The following TSHZ2 variants were observed in gnomAD, a reference collection of about 807,000 sequenced individuals.
The protein encoded by TSHZ2 is teashirt zinc finger homeobox 2.
TSHZ2 carries 21 observed loss-of-function variants against 74.4 expected under a neutral mutation model. The observed-to-expected ratio is 0.28, with a 90% CI of 0.20 to 0.41. The LOEUF (loss-of-function observed/expected upper bound fraction) is 0.41, where lower values mean the gene tolerates loss of function less well. TSHZ2 is among the 10% of genes least tolerant of loss of function. The probability of loss-of-function intolerance (pLI) is 1.00; values close to 1 mark genes in which losing one functional copy is unlikely to be tolerated. For missense variants in TSHZ2, 1,244 were observed against 1,293.5 expected, an observed-to-expected ratio of 0.96 and a Z score of 0.59; for synonymous variants, 540 against 515.3, an observed-to-expected ratio of 1.05 and a Z score of -0.65.
At chr20:53,364,778 G>T (rs1363487059) in intron 2 of TSHZ2, among the ~76,000 whole-genome samples, 2 of 152,224 alleles carry the variant, frequency 1.3e-5, no homozygotes, top group African/African-American at 4.8e-5. Flanking sequence ...TTTCTGGAAG[G>T]CATTGCCAAC....
rs192764914 is a variant in TSHZ2, at chr20:53,216,872, T to C, written c.41-36627T>C. On this transcript the variant is annotated intron_variant, in intron 1 of 2. Coordinates refer to ENST00000371497, the MANE Select transcript of TSHZ2 (RefSeq NM_173485.6). ...ACACACCCTTCAAATGCGGGAACTC[T>C]CCCTGCAGCCCCTGGCAGCTCCTGG... Among the ~76,000 whole-genome samples the C allele has an allele frequency of 2.9e-3, 434 of 152,270 alleles. 1 individual carries two copies. The highest frequency in any genetic ancestry group is 4.9e-3 in the Non-Finnish European group (332 of 68,012).
At chr20:53,469,805 GACCCAACA>G in intron 2 of TSHZ2, among the ~76,000 whole-genome samples, 1 of 131,714 alleles carries the variant, frequency 7.6e-6, no homozygotes, top group Admixed American at 7.7e-5. Flanking sequence ...AGGAAGGAAG[GACCCAACA>G]AAGATAGAGA....
At chr20:53,457,845 A>G (rs1985167131) in intron 2 of TSHZ2, among the ~76,000 whole-genome samples, 1 of 151,730 alleles carries the variant, frequency 6.6e-6, no homozygotes, top group Admixed American at 6.6e-5. Context: ...GGCTCTGTTT[A>G]TATGCTGGAT....
At chr20:53,104,596 G>A (rs1385019452) in intron 1 of TSHZ2, among the ~76,000 whole-genome samples, 1 of 152,174 alleles carries the variant, frequency 6.6e-6, no homozygotes, top group East Asian at 1.9e-4. Flanking sequence ...GGACACTGTG[G>A]TTGGGAATAT....
At chr20:53,092,860 A>G (rs1215300853) in intron 1 of TSHZ2, among the ~76,000 whole-genome samples, 2 of 152,226 alleles carry the variant, frequency 1.3e-5, no homozygotes, top group Admixed American at 1.3e-4. Flanking sequence ...CAGTGGATAT[A>G]TATGTTCAGC....
chr20:53,222,266 C>G (rs889187401), intron 1 of TSHZ2, among the ~76,000 whole-genome samples: 1 of 152,152 alleles, frequency 6.6e-6, no homozygotes, highest in African/African-American at 2.4e-5. Flanking sequence ...GGTGGCATTG[C>G]TTTATTTTCT....
intron 1 of TSHZ2, among the ~76,000 whole-genome samples, chr20:53,055,110 A>C (rs1984596105): frequency 6.6e-6 from 1 of 152,204 alleles, no homozygotes; most frequent in Non-Finnish European, 1.5e-5. Flanking sequence ...GGCTAAATTC[A>C]ACCCTTGCTA....
At chr20:53,216,432 G>A (rs911381448) in intron 1 of TSHZ2, among the ~76,000 whole-genome samples, 3 of 152,212 alleles carry the variant, frequency 2.0e-5, no homozygotes, top group African/African-American at 4.8e-5. Flanking sequence ...AGGAAAAATA[G>A]GCCACAGCCA....
intron 1 of TSHZ2, among the ~76,000 whole-genome samples, chr20:53,137,223 A>C (rs942693954): frequency 7.9e-5 from 12 of 152,186 alleles, no homozygotes; most frequent in African/African-American, 2.4e-4. Context: ...GAAAACTGCT[A>C]ACAGAAATTT....
chr20:53,248,633 C>G (rs1990259624), intron 1 of TSHZ2, among the ~76,000 whole-genome samples: 1 of 152,166 alleles, frequency 6.6e-6, no homozygotes, highest in South Asian at 2.1e-4. Context: ...TCCATACTTT[C>G]AAAGTTCCCA....
chr20:53,485,010 A>G (rs149325589), intron 2 of TSHZ2, among the ~76,000 whole-genome samples: 3 of 152,348 alleles, frequency 2.0e-5, no homozygotes, highest in East Asian at 1.9e-4. Flanking sequence ...GATGTAAACA[A>G]GAAACTTCAC....
chr20:52,977,028 C>A (rs1029279078), intron 1 of TSHZ2, among the ~76,000 whole-genome samples: 11 of 152,292 alleles, frequency 7.2e-5, no homozygotes, highest in African/African-American at 2.2e-4. Flanking sequence ...TTAAAAGTTG[C>A]AATTTGCACC....
intron 1 of TSHZ2, among the ~76,000 whole-genome samples, chr20:53,195,105 C>T (rs1988829810): frequency 6.6e-6 from 1 of 152,090 alleles, no homozygotes. Context: ...TTTGCAGGGC[C>T]AGATCTCCCC....
chr20:53,313,209 TA>T (rs1391345892), intron 2 of TSHZ2, among the ~76,000 whole-genome samples: 1 of 152,258 alleles, frequency 6.6e-6, no homozygotes, highest in East Asian at 1.9e-4. Flanking sequence ...ATGCCTCATT[TA>T]TTTGACGTGG....
intron 1 of TSHZ2, among the ~76,000 whole-genome samples, chr20:53,075,701 C>A (rs958159117): frequency 6.6e-6 from 1 of 152,162 alleles, no homozygotes; most frequent in Non-Finnish European, 1.5e-5. Context: ...GTAGGGTGAT[C>A]ACCAGCCCAG....
chr20:53,358,597 G>A (rs568459584), intron 2 of TSHZ2, among the ~76,000 whole-genome samples: 6 of 151,722 alleles, frequency 4.0e-5, no homozygotes, highest in South Asian at 4.2e-4. Flanking sequence ...AACCCACCCC[G>A]GCCTCCCAAA....
At position 53,254,817 on chromosome 20, in the gene TSHZ2, T is replaced by C. The variant is rs1025457439; in HGVS notation, c.1359T>C (p.Cys453=). 1.9e-6 allele frequency: 3 copies of C among 1,613,832 alleles called. No individual in the cohort carries two copies. Among genetic ancestry groups the C allele is most frequent in the Admixed American group, 3.3e-5 (2 of 59,960 alleles). ...CATCCAGTAACTCAGCATCAGATTGTACAGCCTCTACAACTGAGTTAAAGA... is the reference window on the plus strand; with the variant it reads ...CATCCAGTAACTCAGCATCAGATTGCACAGCCTCTACAACTGAGTTAAAGA... ...PKPSSNSASD[C]TASTTELKKE... is the part of the protein sequence containing the mutation. Residue 453 remains cysteine, a synonymous_variant, in exon 2 of 3, where the codon TGT becomes TGC. Transcript: ENST00000371497.
intron 1 of TSHZ2, among the ~76,000 whole-genome samples, chr20:53,053,211 C>T (rs1199485074): frequency 6.6e-6 from 1 of 152,216 alleles, no homozygotes; most frequent in Non-Finnish European, 1.5e-5. Context: ...CATGTTGTAT[C>T]AGCACTTCAT....
intron 2 of TSHZ2, among the ~76,000 whole-genome samples, chr20:53,341,310 G>A (rs1476398015): frequency 6.6e-6 from 1 of 152,136 alleles, no homozygotes; most frequent in Non-Finnish European, 1.5e-5. Flanking sequence ...TTGCGATGCT[G>A]AGTTGTGCCA....
Sources: gnomAD v4.1 joint callset for allele counts (sites outside exome capture counted in the v4.1 genomes callset) on GRCh38, gnomAD v4.1.1 for gene constraint, MANE v1.5 for transcripts, NCBI Gene and HGNC (gene_info 2026-07-23, HGNC 2026-07-21) for gene names.